Variants in SEC14L5 observed in about 807,000 individuals in gnomAD.
The protein encoded by SEC14L5 is SEC14-like protein 5.
SEC14L5 carries 96 observed loss-of-function variants against 84.6 expected under a neutral mutation model. That is an observed-to-expected ratio of 1.13 (90% confidence interval 0.96 to 1.34). The LOEUF is 1.34. SEC14L5 is among the 40% of genes most tolerant of loss of function. The pLI is 0.00. For synonymous variants in SEC14L5, 546 were observed against 383.4 expected (o/e 1.42, Z -4.95); for missense variants, 1,224 against 942.5 (o/e 1.30, Z -3.91).
intron 2 of SEC14L5, among the ~76,000 whole-genome samples, chr16:4,973,127 G>A (rs1955299648): frequency 6.6e-6 from 1 of 152,168 alleles, no homozygotes; most frequent in African/African-American, 2.4e-5. Flanking sequence ...GAGAAAAACT[G>A]AGCCTCAGAG....
intron 2 of SEC14L5, among the ~76,000 whole-genome samples, chr16:4,986,233 G>A (rs1470817813): frequency 1.3e-5 from 2 of 151,470 alleles, no homozygotes; most frequent in Non-Finnish European, 2.9e-5. Flanking sequence ...TCTGCTTCTT[G>A]GTTTCAAGTG....
rs913451091 is a variant in SEC14L5, at chr16:5,017,862, C to G, written c.*2892C>G. 2.0e-5 allele frequency: 3 copies of G among 152,222 alleles called. No individual in the cohort carries two copies. The highest frequency in any genetic ancestry group is 7.2e-5 in the African/African-American group (3 of 41,444). 9.4% of individuals were successfully genotyped at this position (152,222 alleles called of 1,614,324 possible). ...ATAATCCAAGGAAGGGATTGCCAAG[C>G]TTTTGGCTTTTGAATTTCCCCTGAG... On this transcript the variant is annotated 3_prime_UTR_variant, in exon 16 of 16. Transcript: ENST00000251170.
intron 2 of SEC14L5, among the ~76,000 whole-genome samples, chr16:4,980,041 C>T (rs1464121144): frequency 6.6e-6 from 1 of 152,216 alleles, no homozygotes; most frequent in Non-Finnish European, 1.5e-5. Context: ...CAGACAGGCT[C>T]ATGCGCCAAT....
chr16:4,961,754 G>C (rs4283249), intron 2 of SEC14L5, among the ~76,000 whole-genome samples: 48,852 of 152,014 alleles, frequency 0.32, 9,572 homozygotes, highest in African/African-American at 0.54. Flanking sequence ...ACATGCAGTA[G>C]ATGGTTTTCC....
At chr16:5,000,536 C>T (rs1219950480) in intron 8 of SEC14L5, 119 bp from the exon 9 acceptor site, 23 of 710,658 alleles carry the variant, frequency 3.2e-5, no homozygotes, top group South Asian at 7.0e-5. Context: ...AAGGCTGGAT[C>T]GGGCCTTGGT....
At chr16:4,987,735 G>A in intron 3 of SEC14L5, 29 bp downstream of exon 3, 1 of 1,455,970 alleles carries the variant, frequency 6.9e-7, no homozygotes, top group South Asian at 1.4e-5. Flanking sequence ...GGGGGGCGGA[G>A]GAGGGGACCT....
chr16:4,963,089 C>A (rs552025796), intron 2 of SEC14L5, among the ~76,000 whole-genome samples: 77 of 152,296 alleles, frequency 5.1e-4, no homozygotes, highest in Non-Finnish European at 1.0e-3. Context: ...ACAAAACTGA[C>A]TTCAGAATCA....
At chr16:4,968,466 A>AC (rs1955234179) in intron 2 of SEC14L5, among the ~76,000 whole-genome samples, 1 of 152,184 alleles carries the variant, frequency 6.6e-6, no homozygotes, top group Admixed American at 6.5e-5. Flanking sequence ...GGCGTGGGCC[A>AC]CGGCGCCCGG....
At chr16:4,987,901 G>A (rs1000032997) in intron 3 of SEC14L5, among the ~76,000 whole-genome samples, 195 bp downstream of exon 3, 3 of 152,284 alleles carry the variant, frequency 2.0e-5, no homozygotes, top group South Asian at 2.1e-4. Flanking sequence ...CTGGAAGGCT[G>A]GGCTGGGGAG....
intron 2 of SEC14L5, among the ~76,000 whole-genome samples, chr16:4,965,617 C>G (rs1160160707): frequency 8.6e-6 from 1 of 115,906 alleles, no homozygotes; most frequent in Non-Finnish European, 1.6e-5. Context: ...GCCGAGATAG[C>G]ACCACTGCAC....
At chr16:4,993,852 G>C (rs986960262) in intron 6 of SEC14L5, among the ~76,000 whole-genome samples, 41 of 151,896 alleles carry the variant, frequency 2.7e-4, no homozygotes, top group Admixed American at 1.9e-3. Flanking sequence ...AAAAGTCTTA[G>C]TAAACATCTC....
intron 2 of SEC14L5, among the ~76,000 whole-genome samples, chr16:4,980,267 C>T (rs1955405330): frequency 1.3e-5 from 2 of 152,222 alleles, no homozygotes; most frequent in South Asian, 4.1e-4. Context: ...GGATGGACGC[C>T]TTCCAGACGG....
chr16:4,991,812 G>A, intron 5 of SEC14L5, 26 bp from the exon 6 acceptor site: 2 of 1,549,842 alleles, frequency 1.3e-6, no homozygotes, highest in Middle Eastern at 1.7e-4. Flanking sequence ...CCGTGCTCAT[G>A]TGTCTTGGGT....
Position 5,003,173 on chromosome 16 carries a change from G to A in SEC14L5, c.1131-229G>A, listed in dbSNP as rs539287553. On this transcript the variant is annotated intron_variant, in intron 10 of 15. Coordinates refer to ENST00000251170, the MANE Select transcript of SEC14L5 (RefSeq NM_014692.2). ...CTGTCCTATGAGTAAGTGGGTCTGTGCCCTGACCTAAGGCTCTCAGGGGTG... is the reference window on the plus strand; with the variant it reads ...CTGTCCTATGAGTAAGTGGGTCTGTACCCTGACCTAAGGCTCTCAGGGGTG... Among the ~76,000 whole-genome samples, 19 of 152,344 alleles carry A rather than the reference G, an allele frequency of 1.2e-4. 1 individual carries two copies. In the South Asian group the frequency reaches 3.7e-3, roughly 30 times the overall value.
chr16:4,968,579 C>T (rs1955235335), intron 2 of SEC14L5, among the ~76,000 whole-genome samples: 1 of 152,258 alleles, frequency 6.6e-6, no homozygotes, highest in African/African-American at 2.4e-5. Flanking sequence ...CTCCTGTGGT[C>T]TCCCAAAGTG....
At chr16:4,973,657 T>C (rs1171421436) in intron 2 of SEC14L5, among the ~76,000 whole-genome samples, 1 of 151,326 alleles carries the variant, frequency 6.6e-6, no homozygotes, top group East Asian at 1.9e-4. Flanking sequence ...CCATGTCTTA[T>C]GTGATTTCTT....
rs1362648768 is a variant in SEC14L5 at position 5,002,629 on chromosome 16, G to A, written c.1131-773G>A. On this transcript the variant is annotated intron_variant, in intron 10 of 15. Coordinates refer to ENST00000251170, the MANE Select transcript of SEC14L5 (RefSeq NM_014692.2). ...GGCTCAAATGAGGGAGTGTCATGAA[G>A]GGATGCTTTGGAGAGGTGTGTGCAG... Among the ~76,000 whole-genome samples the A allele has an allele frequency of 1.3e-5, 2 of 152,218 alleles. 1 individual carries two copies. The highest frequency in any genetic ancestry group is 4.8e-5 in the African/African-American group (2 of 41,450).
At chr16:5,010,740 C>T (rs77603928) in intron 14 of SEC14L5, among the ~76,000 whole-genome samples, 5,014 of 152,208 alleles carry the variant, frequency 0.033, 272 homozygotes, top group African/African-American at 0.11. Context: ...TGTGAGCTCC[C>T]GGCCCAAATC....
At chr16:4,963,304 G>C (rs1955152141) in intron 2 of SEC14L5, among the ~76,000 whole-genome samples, 1 of 152,044 alleles carries the variant, frequency 6.6e-6, no homozygotes, top group South Asian at 2.1e-4. Context: ...CACGAATTTT[G>C]CTTCTAAAGA....
Sources: allele counts gnomAD v4.1 joint callset (sites outside exome capture counted in the v4.1 genomes callset), GRCh38; gene constraint gnomAD v4.1.1; transcripts MANE v1.5; gene names NCBI Gene and HGNC (gene_info 2026-07-23, HGNC 2026-07-21).